Variants in SLC43A2 observed in about 807,000 individuals in gnomAD.
The protein encoded by SLC43A2 is large neutral amino acids transporter small subunit 4.
In SLC43A2, 38 loss-of-function variants were observed where a neutral mutation model predicts 63.2. The ratio of observed to expected loss-of-function variants is 0.60; its 90% confidence interval spans 0.46 to 0.79. The LOEUF (loss-of-function observed/expected upper bound fraction) is 0.79. Among genes scored for constraint, SLC43A2 ranks in the 30% least tolerant of loss-of-function variants. The probability of loss-of-function intolerance (pLI) is 0.00; values close to 1 mark genes in which losing one functional copy is unlikely to be tolerated. For synonymous variants in SLC43A2, 322 were observed against 331.0 expected, an observed-to-expected ratio of 0.97 and a Z score of 0.30; for missense variants, 644 against 756.2, an observed-to-expected ratio of 0.85 and a Z score of 1.74.
intron 13 of SLC43A2, among the ~76,000 whole-genome samples, 154 bp from the exon 14 acceptor site, chr17:1,575,919 C>T (rs527270830): frequency 7.2e-5 from 11 of 152,290 alleles, no homozygotes; most frequent in African/African-American, 1.4e-4. Context: ...GCCAGCGTCC[C>T]GGTTCCCAAC....
intron 11 of SLC43A2, among the ~76,000 whole-genome samples, chr17:1,579,634 C>T (rs942648061): frequency 6.6e-6 from 1 of 151,844 alleles, no homozygotes; most frequent in Non-Finnish European, 1.5e-5. Flanking sequence ...CCAGGAGTTC[C>T]AGACCAGCCT....
In SLC43A2 at chr17:1,590,799, T is replaced by A. The variant is rs936790854; in HGVS notation, c.1078+3A>T. 9.7e-6 allele frequency: 15 copies of A among 1,553,594 alleles called. No homozygotes were observed. Among genetic ancestry groups the A allele is most frequent in the Non-Finnish European group, 1.3e-5 (15 of 1,148,324 alleles). On this transcript the variant is annotated splice_donor_region_variant and intron_variant, in intron 9 of 13. Coordinates refer to ENST00000301335, the MANE Select transcript of SLC43A2 (RefSeq NM_152346.3). ...AGCGACCGAGGCTGCCCGGGGCACC[T>A]ACCTGTCTTCTGGTCGCCGCTGACC...
chr17:1,588,520 G>A (rs773442006), intron 9 of SLC43A2, among the ~76,000 whole-genome samples: 2 of 149,110 alleles, frequency 1.3e-5, no homozygotes, highest in Admixed American at 1.3e-4. Flanking sequence ...GCAAGACCTT[G>A]TCTTTATGGA....
chr17:1,599,056 G>A (rs762956654), intron 5 of SLC43A2, among the ~76,000 whole-genome samples: 1 of 152,172 alleles, frequency 6.6e-6, no homozygotes, highest in East Asian at 1.9e-4. Flanking sequence ...TCCTTAGAAC[G>A]GCAATGCCTG....
chr17:1,616,488 A>C, intron 3 of SLC43A2, 74 bp downstream of exon 3: 2 of 1,421,104 alleles, frequency 1.4e-6, no homozygotes, highest in Non-Finnish European at 9.6e-7. Context: ...TACGACCAGG[A>C]TACCCTTCTG....
Position 1,605,230 on chromosome 17 carries a change from G to C in SLC43A2, c.501+7965C>G, listed in dbSNP as rs538235934. 2.9e-4 allele frequency: 316 copies of C among 1,079,224 alleles called. 2 individuals carry two copies. In the African/African-American group the frequency reaches 4.9e-3, roughly 17 times the overall value. The allele number at this position is 1,079,224 out of a possible 1,614,324, so 66.9% of individuals were successfully genotyped here. A position where few individuals can be genotyped will look rare whatever the true frequency, so the allele number is the denominator to read the frequency against. ...GCCTCAGTCACACAGGGAAGCCCGT[G>C]ACTCTCTCTCTTTCAGCCCCCTGGC... On this transcript the variant is annotated intron_variant, in intron 5 of 13. Transcript: ENST00000301335. The surrounding 1 kb of genome is among the most constrained non-coding windows in gnomAD (Gnocchi z 4.9).
At chr17:1,576,863 G>GTT (rs35969643) in intron 12 of SLC43A2, 143 bp from the exon 13 acceptor site, 8,312 of 571,562 alleles carry the variant, frequency 0.015, no homozygotes, top group East Asian at 0.029. Context: ...GGGCAGTTCT[G>GTT]TTTTTTTTTT....
chr17:1,619,645 T>G (rs1339417865), intron 2 of SLC43A2, among the ~76,000 whole-genome samples: 1 of 152,208 alleles, frequency 6.6e-6, no homozygotes, highest in African/African-American at 2.4e-5. Flanking sequence ...TGGGGCAGCT[T>G]CTGGAAAGGA....
chr17:1,590,911 G>C lies in SLC43A2; in HGVS notation c.969C>G (p.Ile323Met). The change falls in exon 9 of 14, where the codon ATC becomes ATG. Residue 323 changes from isoleucine (I) to methionine (M), a missense_variant. Physicochemically the swap from Ile to Met is conservative, Grantham distance 10. Around this residue, in one of 3 missense-constraint regions of SLC43A2, gnomAD observed 528 missense variants for 623.6 expected, o/e 0.85. Transcript: ENST00000301335. ...PSFMHSVFSPILLLSLVTMCV... is the reference protein window; with the variant it reads ...PSFMHSVFSPMLLLSLVTMCV... ...ACATGGTGACCAGGCTGAGCAGCAG[G>C]ATGGGGCTGAACACGCTGTGCATGA... 6.4e-7 allele frequency: 1 copy of C among 1,551,922 alleles called. No individual in the cohort carries two copies. Among genetic ancestry groups the C allele is most frequent in the Non-Finnish European group, 8.7e-7 (1 of 1,147,392 alleles).
chr17:1,576,656 G>T lies in SLC43A2; in HGVS notation c.1489C>A (p.Leu497Ile). Residue 497 changes from leucine to isoleucine, a missense_variant, in exon 13 of 14, where the codon CTT becomes ATT. Coordinates refer to ENST00000301335, the MANE Select transcript of SLC43A2 (RefSeq NM_152346.3). ...GCCAGAAACAGCGGCTGCTGCAGAA[G>T]GGCGAAGAGCGCGCTGATCAGAGAC... ...LQSLISALFA[L>I]LQQPLFLAMM... 6.2e-7 allele frequency: 1 copy of T among 1,610,918 alleles called. No individual in the cohort carries two copies.
At chr17:1,617,491 A>G (rs1033084969) in intron 2 of SLC43A2, among the ~76,000 whole-genome samples, 1 of 152,076 alleles carries the variant, frequency 6.6e-6, no homozygotes, top group African/African-American at 2.4e-5. Flanking sequence ...CCCGGGTTCA[A>G]GCAATTCTCC....
In SLC43A2 at chr17:1,578,321, G is replaced by T. The variant is rs772570118; in HGVS notation, c.1353C>A (p.Ile451=). The change falls in exon 12 of 14, where the codon ATC becomes ATA. Residue 451 remains isoleucine (I), a splice_region_variant and synonymous_variant. Coordinates refer to ENST00000301335, the MANE Select transcript of SLC43A2 (RefSeq NM_152346.3). This position sits in a 1 kb window ranked among gnomAD's most constrained non-coding sequence, Gnocchi z 6.5. ...TCLIPNLPLQ[I]LSFILHTIVR... Reference sequence around the variant, plus strand: ...CGATTGTGTGCAGGATGAAGGAGAGGATCTGGGGGAGGAAAAGGCGACTGT... The same window carrying T: ...CGATTGTGTGCAGGATGAAGGAGAGTATCTGGGGGAGGAAAAGGCGACTGT... 3.1e-6 allele frequency: 5 copies of T among 1,613,788 alleles called. No homozygotes were observed. The highest frequency in any genetic ancestry group is 3.4e-6 in the Non-Finnish European group (4 of 1,179,908).
chr17:1,590,705 G>C (rs7406591), intron 9 of SLC43A2, 97 bp downstream of exon 9: 885,716 of 1,474,466 alleles, frequency 0.6, 273,377 homozygotes, highest in Admixed American at 0.67. Flanking sequence ...TCCATGGCCC[G>C]GCTGGCCCGG....
At chr17:1,586,883 G>A (rs1366099457) in intron 9 of SLC43A2, 2 of 1,517,456 alleles carry the variant, frequency 1.3e-6, no homozygotes, top group Non-Finnish European at 8.8e-7. Context: ...CTTCTGGGTT[G>A]AACAGAGACT....
upstream of SLC43A2, chr17:1,628,967 C>G (rs1411026861): frequency 2.0e-5 from 3 of 152,278 alleles, no homozygotes; most frequent in African/African-American, 7.2e-5. Flanking sequence ...CCGCCGCGAG[C>G]AGAAGCCGGT....
intron 13 of SLC43A2, 21 bp from the exon 14 acceptor site, chr17:1,575,786 C>T (rs367904515): frequency 2.9e-5 from 47 of 1,596,952 alleles, no homozygotes; most frequent in South Asian, 8.9e-5. Flanking sequence ...AGGGAGGCCG[C>T]GCATCACAGG....
chr17:1,591,357 ACTC>A lies in SLC43A2; in HGVS notation c.840_842del (p.Arg280del). On this transcript the variant is annotated inframe_deletion, in exon 8 of 14. Transcript: ENST00000301335. ...CCTGCAGCGCCACCTGCTCCTTGGC[ACTC>A]CTCATGGAGCTGCCCACACTCAGGC... is the stretch of plus-strand genomic sequence containing the variant. The A allele has an allele frequency of 1.2e-6, 2 of 1,611,206 alleles. No individual in the cohort carries two copies. Among genetic ancestry groups the A allele is most frequent in the Non-Finnish European group, 1.7e-6 (2 of 1,179,892 alleles).
In SLC43A2 at chr17:1,573,666, C is replaced by T. The variant is rs1472772224; in HGVS notation, c.*1938G>A. On this transcript the variant is annotated 3_prime_UTR_variant, in exon 14 of 14. Coordinates refer to ENST00000301335, the MANE Select transcript of SLC43A2 (RefSeq NM_152346.3). The stretch of plus-strand genomic sequence containing the variant: ...ACGGAGCCTCGCTCTGTTGCCCAGG[C>T]TGGAGTGCAATGGTGCGATCTCGAC... 1.3e-5 allele frequency: 2 copies of T among 151,962 alleles called. No individual in the cohort carries two copies. Among genetic ancestry groups the T allele is most frequent in the African/African-American group, 4.8e-5 (2 of 41,322 alleles). The allele number at this position is 151,962 out of a possible 1,614,324, so 9.4% of individuals were successfully genotyped here. A position where few individuals can be genotyped will look rare whatever the true frequency, so the allele number is the denominator to read the frequency against.
At chr17:1,615,608 C>T (rs1386023747) in intron 3 of SLC43A2, among the ~76,000 whole-genome samples, 15 of 149,948 alleles carry the variant, frequency 1.0e-4, no homozygotes, top group African/African-American at 3.7e-4. Flanking sequence ...CTTTGGGAGG[C>T]CGAGGCGGGC....
Sources: allele counts gnomAD v4.1 joint callset (sites outside exome capture counted in the v4.1 genomes callset), GRCh38; gene constraint gnomAD v4.1.1; regional missense constraint gnomAD v4.1.1; non-coding constraint Gnocchi (gnomAD v3.1); transcripts MANE v1.5; gene names NCBI Gene and HGNC (gene_info 2026-07-23, HGNC 2026-07-21).